Variants in DCC observed in about 807,000 individuals in gnomAD.
DCC encodes the protein netrin receptor DCC.
In DCC, 58 loss-of-function variants were observed where a neutral mutation model predicts 172.5. The observed-to-expected ratio is 0.34, with a 90% CI of 0.27 to 0.42. The LOEUF is 0.42. DCC is among the 10% of genes least tolerant of loss of function. The pLI is 1.00. For missense variants in DCC, 1,740 were observed against 1,791.0 expected (o/e 0.97, Z 0.51); for synonymous variants, 709 against 644.5 (o/e 1.10, Z -1.52).
chr18:53,150,886 A>G (rs8083973), intron 7 of DCC, among the ~76,000 whole-genome samples: 17,297 of 152,224 alleles, frequency 0.11, 1,107 homozygotes, highest in Non-Finnish European at 0.13. Flanking sequence ...GAGACCCTCA[A>G]CTGTATCTTT....
intron 1 of DCC, among the ~76,000 whole-genome samples, chr18:52,487,739 A>C (rs1169119814): frequency 7.6e-6 from 1 of 131,562 alleles, no homozygotes; most frequent in African/African-American, 2.8e-5. Context: ...TGAATTCATG[A>C]GGCGGAGGTT....
chr18:52,992,227 C>A (rs35973632), intron 5 of DCC, among the ~76,000 whole-genome samples: 3 of 152,072 alleles, frequency 2.0e-5, no homozygotes, highest in Admixed American at 6.6e-5. Context: ...TCCCACCACC[C>A]TAGTCAGTAT....
rs184135362 is a variant in DCC, at chr18:53,005,714, T to G, written c.986-57591T>G. ...CTGCACTCCAGCCTGGGTGACAGAGTGAGATTCTGTCTCAAAAACAGAGAA... is the reference window on the plus strand; with the variant it reads ...CTGCACTCCAGCCTGGGTGACAGAGGGAGATTCTGTCTCAAAAACAGAGAA... On this transcript the variant is annotated intron_variant, in intron 5 of 28. Coordinates refer to ENST00000442544, the MANE Select transcript of DCC (RefSeq NM_005215.4). Among the ~76,000 whole-genome samples the G allele has an allele frequency of 2.3e-3, 348 of 152,210 alleles. 1 individual carries two copies. Among genetic ancestry groups the G allele is most frequent in the Admixed American group, 8.7e-3 (133 of 15,278 alleles).
chr18:52,452,895 T>A (rs1988348629), intron 1 of DCC, among the ~76,000 whole-genome samples: 1 of 152,240 alleles, frequency 6.6e-6, no homozygotes, highest in African/African-American at 2.4e-5. Context: ...GAGATCCTGA[T>A]TGAGGCTGTC....
At position 52,859,130 on chromosome 18, in the gene DCC, CT is replaced by C. The variant is rs2039095855; in HGVS notation, c.413-46913del. Reference sequence around the variant, plus strand: ...AGCCTGGGCAACATAGACCCTGTCTCTGCAAAAAAAAAATTAAAATTATAAT... The same window carrying C: ...AGCCTGGGCAACATAGACCCTGTCTCGCAAAAAAAAAATTAAAATTATAAT... On this transcript the variant is annotated intron_variant, in intron 2 of 28. Coordinates refer to ENST00000442544, the MANE Select transcript of DCC (RefSeq NM_005215.4). Among the ~76,000 whole-genome samples the C allele has an allele frequency of 3.3e-5, 5 of 151,016 alleles. No homozygotes were observed. In the South Asian group the frequency reaches 1.0e-3, roughly 32 times the overall value.
chr18:53,377,815 A>G (rs910202302), intron 15 of DCC, among the ~76,000 whole-genome samples: 3 of 152,164 alleles, frequency 2.0e-5, no homozygotes, highest in Non-Finnish European at 4.4e-5. Flanking sequence ...AATATGCATG[A>G]CGCATCCACA....
chr18:53,206,366 T>TATA (rs2055638109), intron 10 of DCC, among the ~76,000 whole-genome samples: 3 of 45,958 alleles, frequency 6.5e-5, no homozygotes, highest in African/African-American at 2.1e-4. Context: ...CATATATGTA[T>TATA]TGTAACACAT....
intron 1 of DCC, among the ~76,000 whole-genome samples, chr18:52,358,764 C>T (rs570268019): frequency 1.2e-4 from 18 of 152,312 alleles, no homozygotes; most frequent in African/African-American, 3.8e-4. Context: ...TAGGCATCTT[C>T]ACATGTCTGG....
chr18:53,066,353 G>GTATGTATATATATA (rs1202896480), intron 7 of DCC, among the ~76,000 whole-genome samples, 187 bp downstream of exon 7: 87 of 94,476 alleles, frequency 9.2e-4, no homozygotes, highest in Non-Finnish European at 1.5e-3. Flanking sequence ...GTACATGTGT[G>GTATGTATATATATA]TATATATATA....
At chr18:53,269,027 C>T (rs1328190462) in intron 12 of DCC, among the ~76,000 whole-genome samples, 1 of 152,118 alleles carries the variant, frequency 6.6e-6, no homozygotes, top group African/African-American at 2.4e-5. Context: ...GCAGGAAAGG[C>T]ATCTCAGGGG....
intron 1 of DCC, among the ~76,000 whole-genome samples, chr18:52,452,685 T>C (rs1349273180): frequency 2.0e-5 from 3 of 152,234 alleles, no homozygotes; most frequent in Non-Finnish European, 4.4e-5. Context: ...CAGGAAATTA[T>C]ACTAGTGGTC....
chr18:53,043,900 A>G (rs954152035), intron 5 of DCC, among the ~76,000 whole-genome samples: 1 of 151,900 alleles, frequency 6.6e-6, no homozygotes, highest in Non-Finnish European at 1.5e-5. Context: ...TAACTCTTCC[A>G]TTAAAGTACT....
At chr18:52,684,415 T>C (rs2035796595) in intron 1 of DCC, among the ~76,000 whole-genome samples, 1 of 152,066 alleles carries the variant, frequency 6.6e-6, no homozygotes, top group Non-Finnish European at 1.5e-5. Context: ...GTTGCTTCCA[T>C]TAATCTCACT....
chr18:53,018,081 A>T (rs773477483), intron 5 of DCC, among the ~76,000 whole-genome samples: 7 of 152,200 alleles, frequency 4.6e-5, no homozygotes, highest in Non-Finnish European at 7.3e-5. Flanking sequence ...AAATTCCTTG[A>T]TGGGTGCAGC....
At chr18:53,017,790 A>G (rs1326156864) in intron 5 of DCC, among the ~76,000 whole-genome samples, 1 of 152,198 alleles carries the variant, frequency 6.6e-6, no homozygotes, top group African/African-American at 2.4e-5. Context: ...TACTTTTACT[A>G]TGCCAAAAAT....
At chr18:52,931,009 CTT>C (rs1044100254) in intron 5 of DCC, among the ~76,000 whole-genome samples, 1 of 118,776 alleles carries the variant, frequency 8.4e-6, no homozygotes, top group African/African-American at 2.9e-5. Context: ...GGTCTTGGTT[CTT>C]TTTGTCTGTT....
chr18:53,198,630 TC>T (rs2055487025), intron 9 of DCC, among the ~76,000 whole-genome samples: 1 of 152,170 alleles, frequency 6.6e-6, no homozygotes, highest in Non-Finnish European at 1.5e-5. Context: ...TTATATATAG[TC>T]AGAAATTACT....
At chr18:53,112,516 G>A (rs1426320047) in intron 7 of DCC, among the ~76,000 whole-genome samples, 1 of 151,518 alleles carries the variant, frequency 6.6e-6, no homozygotes, top group Admixed American at 6.6e-5. Flanking sequence ...CAGTGCTGCT[G>A]CATTGAGTGT....
chr18:52,456,634 T>C (rs966668573), intron 1 of DCC, among the ~76,000 whole-genome samples: 2 of 152,186 alleles, frequency 1.3e-5, no homozygotes, highest in Non-Finnish European at 2.9e-5. Context: ...TTTAAACTTA[T>C]TGTTGTTTGA....
Sources: gnomAD v4.1 joint callset for allele counts (sites outside exome capture counted in the v4.1 genomes callset) on GRCh38, gnomAD v4.1.1 for gene constraint, MANE v1.5 for transcripts, NCBI Gene and HGNC (gene_info 2026-07-23, HGNC 2026-07-21) for gene names.